Variants in ZNF536 observed in about 807,000 individuals in gnomAD.
ZNF536 encodes the protein zinc finger protein 536.
ZNF536 carries 13 observed loss-of-function variants against 84.5 expected under a neutral mutation model. The ratio of observed to expected loss-of-function variants is 0.15; its 90% CI spans 0.10 to 0.24. The LOEUF is 0.24. Among genes scored for constraint, ZNF536 ranks in the 10% least tolerant of loss-of-function variants. ZNF536 has a pLI of 1.00. For synonymous variants in ZNF536, 811 were observed against 742.5 expected (o/e 1.09, Z -1.50); for missense variants, 1,536 against 1,747.5 (o/e 0.88, Z 2.16).
chr19:30,437,729 A>G (rs966251798), intron 1 of ZNF536, among the ~76,000 whole-genome samples: 1 of 152,148 alleles, frequency 6.6e-6, no homozygotes, highest in Non-Finnish European at 1.5e-5. Context: ...ATGTTTCTAC[A>G]TTGGGGGGAT....
intron 2 of ZNF536, among the ~76,000 whole-genome samples, chr19:30,496,785 T>G (rs948603832): frequency 6.6e-6 from 1 of 151,674 alleles, no homozygotes; most frequent in Non-Finnish European, 1.5e-5. Flanking sequence ...CTCGAGTAGA[T>G]GCTTTTTATG....
chr19:30,462,838 G>A (rs939347661), intron 2 of ZNF536, among the ~76,000 whole-genome samples: 4 of 143,744 alleles, frequency 2.8e-5, no homozygotes, highest in Non-Finnish European at 6.2e-5. Flanking sequence ...AATGGTGTGA[G>A]TGTTGTGTGG....
chr19:30,335,628 C>T (rs2047358245), intron 2 of ZNF536, among the ~76,000 whole-genome samples: 1 of 152,174 alleles, frequency 6.6e-6, no homozygotes, highest in Non-Finnish European at 1.5e-5. Flanking sequence ...CATCTTAGCT[C>T]CTGCTCTCTA....
chr19:30,252,462 G>A (rs1455785458), intron 1 of ZNF536, among the ~76,000 whole-genome samples: 1 of 152,150 alleles, frequency 6.6e-6, no homozygotes, highest in East Asian at 1.9e-4. Flanking sequence ...ACCCTGGGAT[G>A]AGGCAGGAGG....
chr19:30,460,961 G>A (rs550055898), intron 2 of ZNF536, among the ~76,000 whole-genome samples: 3 of 152,260 alleles, frequency 2.0e-5, no homozygotes, highest in African/African-American at 7.2e-5. Context: ...CAAGATGCCT[G>A]CCCCCCAAAC....
At chr19:30,589,527 C>A (rs755202680) in intron 1 of ZNF536, among the ~76,000 whole-genome samples, 1 of 152,174 alleles carries the variant, frequency 6.6e-6, no homozygotes, top group Non-Finnish European at 1.5e-5. Flanking sequence ...CTACTGGCAG[C>A]CCTCAGGTTA....
chr19:30,339,890 C>T (rs939548743), intron 2 of ZNF536, among the ~76,000 whole-genome samples: 3 of 152,150 alleles, frequency 2.0e-5, no homozygotes, highest in Non-Finnish European at 4.4e-5. Context: ...TAAATGTTCT[C>T]CTTCTGCCCC....
intron 1 of ZNF536, among the ~76,000 whole-genome samples, chr19:30,642,471 G>C (rs982232445): frequency 5.3e-5 from 8 of 152,128 alleles, no homozygotes; most frequent in African/African-American, 1.9e-4. Context: ...GTCACTGCCA[G>C]GACCCGCAAG....
chr19:30,252,515 G>A (rs1466193772), intron 1 of ZNF536, among the ~76,000 whole-genome samples: 2 of 152,190 alleles, frequency 1.3e-5, no homozygotes, highest in African/African-American at 2.4e-5. Context: ...TTCCTGTGAT[G>A]CGAATGGACC....
chr19:30,644,029 C>A (rs1452785829), intron 1 of ZNF536, among the ~76,000 whole-genome samples: 1 of 152,150 alleles, frequency 6.6e-6, no homozygotes, highest in Non-Finnish European at 1.5e-5. Flanking sequence ...TGTCATCTAT[C>A]CCAAGGTGAA....
chr19:30,563,102 G>A (rs527979025), intron 1 of ZNF536, among the ~76,000 whole-genome samples: 4 of 152,276 alleles, frequency 2.6e-5, no homozygotes, highest in Admixed American at 6.5e-5. Context: ...CTGCAGCCAT[G>A]TAGGCTCCAG....
chr19:30,401,186 G>T (rs1412886030), intron 1 of ZNF536, among the ~76,000 whole-genome samples: 4 of 152,056 alleles, frequency 2.6e-5, no homozygotes, highest in Non-Finnish European at 4.4e-5. Flanking sequence ...TTACCTGTGT[G>T]GGGGGCTACT....
intron 1 of ZNF536, chr19:30,668,534 T>C (rs1227532441): frequency 2.6e-5 from 4 of 152,228 alleles, no homozygotes; most frequent in Non-Finnish European, 5.9e-5. Flanking sequence ...ACCCTTGTTA[T>C]GCCTCTCCCA....
chr19:30,255,502 C>T (rs1307417434), intron 1 of ZNF536, among the ~76,000 whole-genome samples: 2 of 152,118 alleles, frequency 1.3e-5, no homozygotes, highest in South Asian at 4.2e-4. Flanking sequence ...TTGTAAAAGG[C>T]GTCTTTTCTC....
chr19:30,631,858 G>A (rs1429932665), intron 1 of ZNF536, among the ~76,000 whole-genome samples: 1 of 152,200 alleles, frequency 6.6e-6, no homozygotes, highest in African/African-American at 2.4e-5. Context: ...TAATATGGGG[G>A]AGTTTTCATC....
intron 3 of ZNF536, among the ~76,000 whole-genome samples, chr19:30,538,587 T>C (rs2045189728): frequency 6.6e-6 from 1 of 152,174 alleles, no homozygotes; most frequent in Non-Finnish European, 1.5e-5. Context: ...AGGATGTTTC[T>C]GATGCACCCT....
intron 1 of ZNF536, among the ~76,000 whole-genome samples, chr19:30,619,952 G>C (rs545048760): frequency 6.6e-6 from 1 of 151,838 alleles, no homozygotes; most frequent in South Asian, 2.1e-4. Context: ...CTGCTTTCAC[G>C]AGCAAGAGTA....
intron 1 of ZNF536, among the ~76,000 whole-genome samples, chr19:30,249,803 G>A (rs568016170): frequency 6.6e-6 from 1 of 152,192 alleles, no homozygotes; most frequent in Non-Finnish European, 1.5e-5. Context: ...GGAGGTGGAA[G>A]GCTGAAGGGA....
chr19:30,266,222 A>T (rs866903695), intron 1 of ZNF536, among the ~76,000 whole-genome samples: 3 of 151,642 alleles, frequency 2.0e-5, no homozygotes, highest in Non-Finnish European at 4.4e-5. Context: ...CTAATTTTTA[A>T]TTTTTTTTGT....
Sources: gnomAD v4.1 joint callset for allele counts (sites outside exome capture counted in the v4.1 genomes callset) on GRCh38, gnomAD v4.1.1 for gene constraint, MANE v1.5 for transcripts, NCBI Gene and HGNC (gene_info 2026-07-23, HGNC 2026-07-21) for gene names.